SIMC1: variants seen among roughly 807,000 people sequenced by gnomAD.
The protein encoded by SIMC1 is SUMO-interacting motif-containing protein 1.
Under a neutral mutation model 82.3 loss-of-function variants are expected in SIMC1, and 55 were observed. The ratio of observed to expected loss-of-function variants is 0.67; its 90% CI spans 0.54 to 0.84. The LOEUF (loss-of-function observed/expected upper bound fraction) is 0.84, where lower values mean the gene tolerates loss of function less well. Ranked by LOEUF, SIMC1 falls within the 40% of genes least tolerant of loss-of-function variation. SIMC1 has a pLI of 0.00. For synonymous variants in SIMC1, 353 were observed against 426.3 expected, an observed-to-expected ratio of 0.83 and a Z score of 2.12; for missense variants, 915 against 1,107.2, an observed-to-expected ratio of 0.83 and a Z score of 2.46.
rs576845925 is a variant in SIMC1 at position 176,287,745 on chromosome 5, AAAG to A, written c.130-1908_130-1906del. On this transcript the variant is annotated intron_variant, in intron 1 of 9. Coordinates refer to ENST00000429602, the MANE Select transcript of SIMC1 (RefSeq NM_001308195.2). ...AAAAATCCTAAGGAATCGACAAAAA[AAAG>A]TTTACTCAAACTAGTGAACTTAGCA... 4.6e-5 allele frequency among the ~76,000 whole-genome samples: 7 copies of A among 152,170 alleles called. No individual in the cohort carries two copies. The South Asian group carries it at 1.4e-3, about 32-fold the overall frequency.
chr5:176,258,103 T>C (rs1461701367), intron 1 of SIMC1, among the ~76,000 whole-genome samples: 1 of 152,230 alleles, frequency 6.6e-6, no homozygotes, highest in Non-Finnish European at 1.5e-5. Flanking sequence ...TGGTGATCAG[T>C]AAAACTATAA....
intron 7 of SIMC1, among the ~76,000 whole-genome samples, chr5:176,335,441 T>C (rs1765850284): frequency 1.3e-5 from 2 of 151,594 alleles, no homozygotes. Context: ...CACGCCTGGC[T>C]AATTTTTTGT....
chr5:176,304,213 G>GCTCCCTCCCT, intron 4 of SIMC1: 1 of 149,512 alleles, frequency 6.7e-6, no homozygotes, highest in Non-Finnish European at 1.5e-5. Flanking sequence ...AAGAACTCCA[G>GCTCCCTCCCT]CTCCCTCTCC....
At chr5:176,324,460 A>T (rs1246333999) in intron 6 of SIMC1, among the ~76,000 whole-genome samples, 169 bp from the exon 7 acceptor site, 1 of 152,166 alleles carries the variant, frequency 6.6e-6, no homozygotes, top group African/African-American at 2.4e-5. Context: ...AAATTGCTAA[A>T]TAAAAGCATG....
At chr5:176,303,324 A>AT (rs1764124426) in intron 4 of SIMC1, among the ~76,000 whole-genome samples, 1 of 101,458 alleles carries the variant, frequency 9.9e-6, no homozygotes, top group Non-Finnish European at 2.3e-5. Flanking sequence ...TAGCCAAAGC[A>AT]ATTTTTTTTT....
chr5:176,289,534 A>G (rs948440630), intron 1 of SIMC1, 120 bp from the exon 2 acceptor site: 1 of 764,424 alleles, frequency 1.3e-6, no homozygotes, highest in African/African-American at 1.8e-5. Context: ...AAGATGTGTA[A>G]CTTATCAGTG....
At position 176,307,963 on chromosome 5, in the gene SIMC1, A is replaced by G. The variant is rs912406808; in HGVS notation, c.1735-5728A>G. On this transcript the variant is annotated intron_variant, in intron 4 of 9. Transcript: ENST00000429602. ...AATGTTCAAAGCAGTGTTATACATA[A>G]TAGCCAAAATGTGGAAATAACCCAA... 30 of 595,554 alleles carry G rather than the reference A, an allele frequency of 5.0e-5. No individual in the cohort carries two copies. In the African/African-American group the frequency reaches 5.4e-4, roughly 11 times the overall value. The allele number at this position is 595,554 out of a possible 1,614,324, so 36.9% of individuals were successfully genotyped here. A position where few individuals can be genotyped will look rare whatever the true frequency, so the allele number is the denominator to read the frequency against.
chr5:176,277,708 C>A (rs947331574), intron 1 of SIMC1, among the ~76,000 whole-genome samples: 1 of 152,008 alleles, frequency 6.6e-6, no homozygotes, highest in African/African-American at 2.4e-5. Context: ...ACTAGGGAAT[C>A]CTTTCCCCAT....
chr5:176,255,631 G>A (rs1295247292), intron 1 of SIMC1, among the ~76,000 whole-genome samples: 1 of 141,650 alleles, frequency 7.1e-6, no homozygotes, highest in Non-Finnish European at 1.5e-5. Context: ...TTAAAGAGAT[G>A]AAATGTACAT....
At position 176,306,324 on chromosome 5, in the gene SIMC1, T is replaced by G. The variant is rs1764382322; in HGVS notation, c.1735-7367T>G. On this transcript the variant is annotated intron_variant, in intron 4 of 9. Transcript: ENST00000429602. ...GCCCCCCGTCCGGCCAGCCGCCCCA[T>G]CCGGGAGGTGAGGGGCACCTCTGCC... Among the ~76,000 whole-genome samples, 7 of 140,042 alleles carry G rather than the reference T, an allele frequency of 5.0e-5. No homozygotes were observed. In the South Asian group the frequency reaches 1.6e-3, roughly 33 times the overall value. The allele number at this position is 140,042 out of a possible 152,430, so 91.9% of individuals were successfully genotyped here. A position where few individuals can be genotyped will look rare whatever the true frequency, so the allele number is the denominator to read the frequency against.
At chr5:176,247,926 G>A (rs1761504562) in intron 1 of SIMC1, among the ~76,000 whole-genome samples, 1 of 151,674 alleles carries the variant, frequency 6.6e-6, no homozygotes, top group Admixed American at 6.6e-5. Flanking sequence ...TAGATGTGTG[G>A]CATTATTTCT....
At chr5:176,296,036 T>C in intron 3 of SIMC1, 1 of 815,084 alleles carries the variant, frequency 1.2e-6, no homozygotes, top group Non-Finnish European at 1.9e-6. Context: ...AAAATTATAG[T>C]ACTAAAGCTT....
intron 4 of SIMC1, among the ~76,000 whole-genome samples, chr5:176,296,968 G>A (rs1439366556): frequency 6.6e-6 from 1 of 152,122 alleles, no homozygotes; most frequent in Non-Finnish European, 1.5e-5. Context: ...GGCAGAGAAA[G>A]CCACATATAT....
intron 5 of SIMC1, 118 bp from the exon 6 acceptor site, chr5:176,322,152 GTTA>G: frequency 8.4e-7 from 1 of 1,188,152 alleles, no homozygotes; most frequent in East Asian, 2.6e-5. Flanking sequence ...GGGGGCCCAG[GTTA>G]AGGCTATAGT....
intron 7 of SIMC1, among the ~76,000 whole-genome samples, chr5:176,325,852 A>C (rs932993771): frequency 1.3e-5 from 2 of 152,174 alleles, no homozygotes; most frequent in African/African-American, 2.4e-5. Context: ...ATATTAGAGG[A>C]ACTAGAGGTG....
At chr5:176,285,778 A>G (rs1763246439) in intron 1 of SIMC1, among the ~76,000 whole-genome samples, 1 of 152,248 alleles carries the variant, frequency 6.6e-6, no homozygotes, top group African/African-American at 2.4e-5. Flanking sequence ...CTGATAAGCA[A>G]CTTCAGCAAA....
At chr5:176,306,997 T>C (rs949992524) in intron 4 of SIMC1, among the ~76,000 whole-genome samples, 2 of 151,922 alleles carry the variant, frequency 1.3e-5, no homozygotes, top group Non-Finnish European at 2.9e-5. Flanking sequence ...GGCAGAGGAC[T>C]TATATAGACA....
chr5:176,298,450 A>T (rs922333858), intron 4 of SIMC1, among the ~76,000 whole-genome samples: 2 of 152,230 alleles, frequency 1.3e-5, no homozygotes, highest in African/African-American at 4.8e-5. Flanking sequence ...CTCAGCCAAC[A>T]TGGTGAGACC....
chr5:176,290,380 C>T lies in SIMC1; in HGVS notation c.856C>T (p.Pro286Ser). ...CCCACCTCAAGACTCTCTGGGCCTACCTCAAGATGTGCCAGGGCTGCCTCA... is the reference window on the plus strand; with the variant it reads ...CCCACCTCAAGACTCTCTGGGCCTATCTCAAGATGTGCCAGGGCTGCCTCA... ...PGPPQDSLGL[P>S]QDVPGLPQSI... is the part of the protein sequence containing the mutation. The change falls in exon 2 of 10, where the codon CCT becomes TCT. Residue 286 changes from proline to serine, a missense_variant. This residue lies in a region of SIMC1 where 902 missense variants were observed against 1,040.3 expected (regional missense o/e 0.87). Coordinates refer to ENST00000429602, the MANE Select transcript of SIMC1 (RefSeq NM_001308195.2). The T allele has an allele frequency of 6.2e-7, 1 of 1,613,980 alleles. No homozygotes were observed. Among genetic ancestry groups the T allele is most frequent in the Non-Finnish European group, 8.5e-7 (1 of 1,179,862 alleles).
Sources: allele counts gnomAD v4.1 joint callset (sites outside exome capture counted in the v4.1 genomes callset), GRCh38; gene constraint gnomAD v4.1.1; regional missense constraint gnomAD v4.1.1; transcripts MANE v1.5; gene names NCBI Gene and HGNC (gene_info 2026-07-23, HGNC 2026-07-21).